The following MYT1 variants were observed in gnomAD, a reference collection of about 807,000 sequenced individuals.
The protein encoded by MYT1 is myelin transcription factor 1.
In MYT1, 23 loss-of-function variants were observed where a neutral mutation model predicts 123.0. The observed-to-expected ratio is 0.19, with a 90% CI of 0.13 to 0.26. MYT1 has a LOEUF of 0.26. Among genes scored for constraint, MYT1 ranks in the 10% least tolerant of loss-of-function variants. The pLI, the probability that MYT1 is intolerant of heterozygous loss-of-function variation, is 1.00. For synonymous variants in MYT1, 518 were observed against 575.3 expected, an observed-to-expected ratio of 0.90 and a Z score of 1.43; for missense variants, 1,125 against 1,472.5, an observed-to-expected ratio of 0.76 and a Z score of 3.86.
At chr20:64,201,295 G>A (rs959166209) in intron 4 of MYT1, among the ~76,000 whole-genome samples, 1 of 152,214 alleles carries the variant, frequency 6.6e-6, no homozygotes, top group African/African-American at 2.4e-5. Context: ...TCCAGTCTAA[G>A]TGAGGGGTTC....
chr20:64,222,579 CCTT>C (rs1275409099), intron 14 of MYT1, among the ~76,000 whole-genome samples: 6 of 152,254 alleles, frequency 3.9e-5, no homozygotes, highest in African/African-American at 1.4e-4. Flanking sequence ...ATGTCAATGA[CCTT>C]CTGGTCAGCC....
chr20:64,166,199 C>A lies in MYT1; in HGVS notation c.-99+1460C>A, dbSNP rs182582783. On this transcript the variant is annotated intron_variant, in intron 1 of 22. Transcript: ENST00000328439. This position sits in a 1 kb window ranked among gnomAD's most constrained non-coding sequence, Gnocchi z 4.9. ...AGCAGGGATTGGAGTCCTGTGGTAC[C>A]AGCCAGGGTGCTGCTATCAGTAGAG... Among the ~76,000 whole-genome samples the A allele has an allele frequency of 6.6e-6, 1 of 152,308 alleles. No individual in the cohort carries two copies. Among genetic ancestry groups the A allele is most frequent in the East Asian group, 1.9e-4 (1 of 5,182 alleles).
chr20:64,179,035 G>C (rs57661465), intron 1 of MYT1, among the ~76,000 whole-genome samples: 216 of 98,792 alleles, frequency 2.2e-3, no homozygotes, highest in Middle Eastern at 9.3e-3. Context: ...TACCCTTCAA[G>C]GTGGGAGCAC....
In MYT1 at chr20:64,192,729, A is replaced by G. The variant is rs989839223; in HGVS notation, c.-1+2569A>G. 2.6e-5 allele frequency among the ~76,000 whole-genome samples: 4 copies of G among 152,202 alleles called. No individual in the cohort carries two copies. Among genetic ancestry groups the G allele is most frequent in the African/African-American group, 9.6e-5 (4 of 41,462 alleles). On this transcript the variant is annotated intron_variant, in intron 2 of 22. Coordinates refer to ENST00000328439, the MANE Select transcript of MYT1 (RefSeq NM_004535.3). This position sits in a 1 kb window ranked among gnomAD's most constrained non-coding sequence, Gnocchi z 5.3. ...TGGAATCAAGGAAAAGATCAGTTGC[A>G]TGGCCATTCAGCCAACCCTTCTTCC... is the stretch of plus-strand genomic sequence containing the variant.
rs768167220 is a variant in MYT1, at chr20:64,223,215, G to C, written c.2459+42G>C. On this transcript the variant is annotated intron_variant, in intron 15 of 22. Transcript: ENST00000328439. ...GGTCCGTCTGGCCTGGGTGCTTCGT[G>C]GTGGGTCTTCCTCCTCTCCTCCTCC... 2.5e-6 allele frequency: 4 copies of C among 1,613,760 alleles called. No individual in the cohort carries two copies. The East Asian group carries it at 6.7e-5, about 27-fold the overall frequency.
At position 64,191,245 on chromosome 20, in the gene MYT1, C is replaced by G. The variant is rs1462728741; in HGVS notation, c.-1+1085C>G. Among the ~76,000 whole-genome samples the G allele has an allele frequency of 5.9e-5, 9 of 152,132 alleles. No individual in the cohort carries two copies. Among genetic ancestry groups the G allele is most frequent in the African/African-American group, 1.9e-4 (8 of 41,420 alleles). The stretch of plus-strand genomic sequence containing the variant: ...TGGTGCAAGCCCTTCTTATACCTTC[C>G]CAGGGTATAAGATCTCCCTTCGGGG... On this transcript the variant is annotated intron_variant, in intron 2 of 22. Coordinates refer to ENST00000328439, the MANE Select transcript of MYT1 (RefSeq NM_004535.3). This position sits in a 1 kb window ranked among gnomAD's most constrained non-coding sequence, Gnocchi z 4.1.
chr20:64,212,162 AGTGGGGGCCAGGGTGGGGGCCGTG>A lies in MYT1; in HGVS notation c.1517+104_1517+127del, dbSNP rs66498134. The A allele has an allele frequency of 1.1e-4, 126 of 1,157,732 alleles. No individual in the cohort carries two copies. Among genetic ancestry groups the A allele is most frequent in the Admixed American group, 7.4e-4 (36 of 48,516 alleles). 71.7% of individuals were successfully genotyped at this position (1,157,732 alleles called of 1,614,324 possible). On this transcript the variant is annotated intron_variant, in intron 9 of 22. Transcript: ENST00000328439. This position sits in a 1 kb window ranked among gnomAD's most constrained non-coding sequence, Gnocchi z 6.8. ...AGGTACTTGGACTGAGCTGGGCCGTAGTGGGGGCCAGGGTGGGGGCCGTGGTGGGGGCCAGGGTGGGGGCCGTGG... is the reference window on the plus strand; with the variant it reads ...AGGTACTTGGACTGAGCTGGGCCGTAGTGGGGGCCAGGGTGGGGGCCGTGG...
chr20:64,195,780 A>G (rs889687628), intron 2 of MYT1, among the ~76,000 whole-genome samples: 18 of 152,204 alleles, frequency 1.2e-4, no homozygotes, highest in Admixed American at 6.5e-4. Flanking sequence ...AAGCAAAAAC[A>G]CACTTTTGAG....
Position 64,198,868 on chromosome 20 carries a change from T to C in MYT1, c.7T>C (p.Leu3=). 1.2e-6 allele frequency: 2 copies of C among 1,614,140 alleles called. No homozygotes were observed. The highest frequency in any genetic ancestry group is 8.5e-7 in the Non-Finnish European group (1 of 1,180,006). Residue 3 remains leucine (L), a synonymous_variant, in exon 3 of 23, where the codon TTA becomes CTA. Coordinates refer to ENST00000328439, the MANE Select transcript of MYT1 (RefSeq NM_004535.3). The stretch of plus-strand genomic sequence containing the variant: ...CGTGGTTTTTTGCTTGCAGATGAGC[T>C]TAGAAAATGAAGACAAGCGAGCTCG... The part of the protein sequence containing the change: MS[L]ENEDKRARTR...
rs1455515311 is a variant in MYT1 at position 64,227,882 on chromosome 20, A to G, written c.2592-6A>G. 6.2e-7 allele frequency: 1 copy of G among 1,610,828 alleles called. No individual in the cohort carries two copies. Among genetic ancestry groups the G allele is most frequent in the Non-Finnish European group, 8.5e-7 (1 of 1,178,894 alleles). Reference sequence around the variant, plus strand: ...AAGGTGGCCTTTTTTCCTCTTTCGAAATCAGCTTGTCCGGCTGCCCTCGTG... The same window carrying G: ...AAGGTGGCCTTTTTTCCTCTTTCGAGATCAGCTTGTCCGGCTGCCCTCGTG... On this transcript the variant is annotated splice_region_variant and splice_polypyrimidine_tract_variant and intron_variant, in intron 17 of 22. Coordinates refer to ENST00000328439, the MANE Select transcript of MYT1 (RefSeq NM_004535.3).
rs1452805536 is a variant in MYT1, at chr20:64,212,054, C to T, written c.1433C>T (p.Ala478Val). 1.2e-6 allele frequency: 2 copies of T among 1,613,514 alleles called. No homozygotes were observed. Among genetic ancestry groups the T allele is most frequent in the Non-Finnish European group, 8.5e-7 (1 of 1,179,592 alleles). Reference protein sequence around the residue: ...HKDRIPPEILAMHENVLKCPT... With the variant: ...HKDRIPPEILVMHENVLKCPT... ...ACCCCCTGTTCTCTTACAGTCTTAG[C>T]CATGCATGAGAACGTGCTGAAGTGC... is the stretch of plus-strand genomic sequence containing the variant. The change falls in exon 9 of 23, where the codon GCC becomes GTC. Residue 478 changes from alanine (A) to valine (V), a missense_variant. By Grantham distance (64) the Ala-to-Val change is moderately conservative. Around this residue, in one of 4 missense-constraint regions of MYT1, gnomAD observed 429 missense variants for 604.1 expected, o/e 0.71. Transcript: ENST00000328439. The surrounding 1 kb of genome is among the most constrained non-coding windows in gnomAD (Gnocchi z 6.8).
At chr20:64,233,136 CCTTTCCTCTTCTCCCT>C (rs2145732773) in intron 19 of MYT1, among the ~76,000 whole-genome samples, 1 of 136,494 alleles carries the variant, frequency 7.3e-6, no homozygotes, top group Non-Finnish European at 1.6e-5. Context: ...CCTTCTCCCT[CCTTTCCTCTTCTCCCT>C]CCCTTCCTCC....
chr20:64,240,420 A>C lies in MYT1; in HGVS notation c.3338A>C (p.Lys1113Thr), dbSNP rs144093789. The stretch of plus-strand genomic sequence containing the variant: ...AACAAGGACCTCCTGGAGAGCATCA[A>C]GCAGGCTGTGAGGGGCATCCAGGTC... ...PENKDLLESI[K>T]QAVRGIQV Residue 1113 changes from lysine to threonine, a missense_variant, in exon 23 of 23, where the codon AAG (lysine) becomes ACG (threonine). This residue lies in a region of MYT1 where 243 missense variants were observed against 323.1 expected (regional missense o/e 0.75). Coordinates refer to ENST00000328439, the MANE Select transcript of MYT1 (RefSeq NM_004535.3). 32 of 1,613,622 alleles carry C rather than the reference A, an allele frequency of 2.0e-5. No homozygotes were observed. The highest frequency in any genetic ancestry group is 2.7e-5 in the Non-Finnish European group (32 of 1,179,956).
chr20:64,218,686 G>C lies in MYT1; in HGVS notation c.1847-225G>C, dbSNP rs1983907690. On this transcript the variant is annotated intron_variant, in intron 11 of 22. Coordinates refer to ENST00000328439, the MANE Select transcript of MYT1 (RefSeq NM_004535.3). The surrounding 1 kb of genome is among the most constrained non-coding windows in gnomAD (Gnocchi z 4.0). The stretch of plus-strand genomic sequence containing the variant: ...TGTGTGAGGACTTGGGACTGGGACG[G>C]GTGGCCAAGCCCCTGGCCCACTTCG... 3 of 610,216 alleles carry C rather than the reference G, an allele frequency of 4.9e-6. No homozygotes were observed. In the Admixed American group the frequency reaches 8.4e-5, roughly 17 times the overall value. The allele number at this position is 610,216 out of a possible 1,614,324, so 37.8% of individuals were successfully genotyped here. A position where few individuals can be genotyped will look rare whatever the true frequency, so the allele number is the denominator to read the frequency against.
At chr20:64,181,364 G>A (rs886124148) in intron 1 of MYT1, among the ~76,000 whole-genome samples, 19 of 152,104 alleles carry the variant, frequency 1.2e-4, no homozygotes, top group Non-Finnish European at 2.6e-4. Context: ...TCGGGTGTCA[G>A]TCCTCACTCA....
At chr20:64,238,294 ACAG>A (rs1984610411) in intron 21 of MYT1, among the ~76,000 whole-genome samples, 1 of 152,208 alleles carries the variant, frequency 6.6e-6, no homozygotes, top group Admixed American at 6.5e-5. Flanking sequence ...CTGGGCAGGG[ACAG>A]ATGGGGAGAT....
Position 64,239,740 on chromosome 20 carries a change from C to G in MYT1, c.3094-20C>G. ...TGGGGGCCAAGGGCAGGCGGCACTT[C>G]GAATCTCTCTCTGGCACAGATCTCC... On this transcript the variant is annotated intron_variant, in intron 21 of 22. Transcript: ENST00000328439. 1 of 1,613,308 alleles carries G rather than the reference C, an allele frequency of 6.2e-7. No homozygotes were observed. The highest frequency in any genetic ancestry group is 8.5e-7 in the Non-Finnish European group (1 of 1,179,674).
intron 4 of MYT1, among the ~76,000 whole-genome samples, chr20:64,201,967 G>GTGTGTCGGGAACCCCCA (rs1488017547): frequency 2.0e-5 from 3 of 148,372 alleles, no homozygotes; most frequent in Admixed American, 6.7e-5. Context: ...GGGAACCCCC[G>GTGTGTCGGGAACCCCCA]CGTGTCGGGA....
Position 64,185,631 on chromosome 20 carries a change from A to G in MYT1, c.-98-4432A>G, listed in dbSNP as rs564321794. ...AACTGCCACAGGGACTCCCATCCGG[A>G]GGCCCAGGGGATGCACCATGGGGGC... On this transcript the variant is annotated intron_variant, in intron 1 of 22. Transcript: ENST00000328439. This position sits in a 1 kb window ranked among gnomAD's most constrained non-coding sequence, Gnocchi z 4.5. Among the ~76,000 whole-genome samples the G allele has an allele frequency of 5.3e-4, 80 of 152,252 alleles. No homozygotes were observed. Among genetic ancestry groups the G allele is most frequent in the African/African-American group, 1.9e-3 (78 of 41,558 alleles).
Sources: gnomAD v4.1 joint callset for allele counts (sites outside exome capture counted in the v4.1 genomes callset) on GRCh38, gnomAD v4.1.1 for gene constraint, gnomAD v4.1.1 regional missense constraint, Gnocchi (gnomAD v3.1) non-coding constraint, MANE v1.5 for transcripts, NCBI Gene and HGNC (gene_info 2026-07-23, HGNC 2026-07-21) for gene names.